RANBP2: variants seen among roughly 807,000 people sequenced by gnomAD.
RANBP2 encodes the protein RAN binding protein 2.
Under a neutral mutation model 303.6 loss-of-function variants are expected in RANBP2, and 57 were observed. The ratio of observed to expected loss-of-function variants is 0.19; its 90% CI spans 0.15 to 0.23. The LOEUF (loss-of-function observed/expected upper bound fraction) is 0.23. Ranked by LOEUF, RANBP2 falls within the 10% of genes least tolerant of loss-of-function variation. The pLI is 1.00. For synonymous variants in RANBP2, 1,167 were observed against 1,301.5 expected, an observed-to-expected ratio of 0.90 and a Z score of 2.23; for missense variants, 3,138 against 3,780.8, an observed-to-expected ratio of 0.83 and a Z score of 4.46.
At chr2:108,978,548 C>T in the RANBP2 span, among the ~76,000 whole-genome samples, 2 of 152,174 alleles carry the variant, frequency 1.3e-5, no homozygotes, top group Non-Finnish European at 2.9e-5. Context: ...CCCAAGGAGG[C>T]TGAGGTTCAG....
chr2:108,759,551 A>G (rs2149258702), intron 18 of RANBP2, among the ~76,000 whole-genome samples: 1 of 152,242 alleles, frequency 6.6e-6, no homozygotes, highest in South Asian at 2.1e-4. Context: ...AGATGAGCAC[A>G]TTTGTGTGAT....
the RANBP2 span, chr2:109,667,154 A>T: frequency 7.6e-7 from 1 of 1,312,592 alleles, no homozygotes; most frequent in Non-Finnish European, 1.1e-6. Flanking sequence ...GGCATAAGAA[A>T]CATTTTAATT....
At chr2:109,246,611 T>C in the RANBP2 span, among the ~76,000 whole-genome samples, 1 of 152,228 alleles carries the variant, frequency 6.6e-6, no homozygotes, top group Non-Finnish European at 1.5e-5. Flanking sequence ...CCAGCCTTCC[T>C]TTCCACACAC....
At chr2:109,426,892 A>G in the RANBP2 span, among the ~76,000 whole-genome samples, 866 of 152,244 alleles carry the variant, frequency 5.7e-3, 4 homozygotes, top group Admixed American at 9.9e-3. Flanking sequence ...CATCAAGACA[A>G]GACCCTCTAC....
the RANBP2 span, among the ~76,000 whole-genome samples, chr2:109,161,477 T>C: frequency 1.3e-5 from 2 of 152,120 alleles, no homozygotes; most frequent in African/African-American, 4.8e-5. Flanking sequence ...TGGAGCATGG[T>C]TGGGTGACGT....
the RANBP2 span, among the ~76,000 whole-genome samples, chr2:109,676,024 G>A: frequency 1.3e-5 from 2 of 152,226 alleles, no homozygotes; most frequent in Non-Finnish European, 2.9e-5. Flanking sequence ...CTGTCCACAC[G>A]TTCATTCCTT....
chr2:109,028,029 G>C, the RANBP2 span, among the ~76,000 whole-genome samples: 80 of 152,302 alleles, frequency 5.3e-4, no homozygotes, highest in South Asian at 2.1e-3. Context: ...CAGCACACTG[G>C]GGGGCCAAGA....
the RANBP2 span, among the ~76,000 whole-genome samples, chr2:109,360,147 G>T: frequency 6.6e-6 from 1 of 151,760 alleles, no homozygotes; most frequent in Non-Finnish European, 1.5e-5. Context: ...GCCATTGTTT[G>T]TTGTTGCTGT....
the RANBP2 span, among the ~76,000 whole-genome samples, chr2:109,216,253 T>G: frequency 6.6e-6 from 1 of 152,080 alleles, no homozygotes; most frequent in East Asian, 1.9e-4. Flanking sequence ...CTAACTACTT[T>G]CTCTCTGGCC....
chr2:109,489,751 C>T, the RANBP2 span, among the ~76,000 whole-genome samples: 17 of 96,962 alleles, frequency 1.8e-4, no homozygotes, highest in Admixed American at 1.6e-3. Context: ...GGGGGGTGGG[C>T]GGGGGGGACG....
chr2:108,976,344 A>G, the RANBP2 span, among the ~76,000 whole-genome samples: 1 of 152,226 alleles, frequency 6.6e-6, no homozygotes, highest in East Asian at 1.9e-4. Flanking sequence ...TTTGAGAGGA[A>G]GACCACAGAG....
intron 24 of RANBP2, among the ~76,000 whole-genome samples, chr2:108,776,673 T>A (rs538112439): frequency 6.6e-6 from 1 of 152,298 alleles, no homozygotes; most frequent in South Asian, 2.1e-4. Flanking sequence ...TTAGCAGAAT[T>A]AAGAGAAGAC....
chr2:109,253,735 C>T, the RANBP2 span, among the ~76,000 whole-genome samples: 13 of 152,190 alleles, frequency 8.5e-5, no homozygotes, highest in African/African-American at 3.1e-4. Flanking sequence ...GTTATTAAAG[C>T]ACCAGGCCAA....
chr2:109,230,334 C>T, the RANBP2 span, among the ~76,000 whole-genome samples: 1,344 of 152,140 alleles, frequency 8.8e-3, 16 homozygotes, highest in African/African-American at 0.031. Flanking sequence ...CCAGCACTTC[C>T]GAGAGGCCAA....
chr2:108,962,044 C>T, the RANBP2 span, among the ~76,000 whole-genome samples: 2 of 152,196 alleles, frequency 1.3e-5, no homozygotes, highest in Non-Finnish European at 2.9e-5. Flanking sequence ...TGGATAAAAT[C>T]CTGGAGAGAC....
the RANBP2 span, chr2:109,251,518 T>C: frequency 1.3e-6 from 1 of 745,204 alleles, no homozygotes; most frequent in Non-Finnish European, 2.5e-6. Context: ...AATATTGTGG[T>C]CATTTGGTCC....
the RANBP2 span, among the ~76,000 whole-genome samples, chr2:109,279,775 C>T: frequency 2.0e-5 from 3 of 152,216 alleles, no homozygotes; most frequent in Non-Finnish European, 2.9e-5. Context: ...ACGCTGACCT[C>T]GCTGACAGAG....
At chr2:109,463,665 AGAG>A in the RANBP2 span, among the ~76,000 whole-genome samples, 118 of 152,336 alleles carry the variant, frequency 7.7e-4, no homozygotes, top group African/African-American at 2.6e-3. Flanking sequence ...GGCTCACAAA[AGAG>A]GAGATGTTCA....
the RANBP2 span, among the ~76,000 whole-genome samples, chr2:109,206,941 G>C: frequency 6.6e-6 from 1 of 152,226 alleles, no homozygotes; most frequent in African/African-American, 2.4e-5. Context: ...TCTGTGTCAT[G>C]TGTGGCTTGT....
Sources: gnomAD v4.1 joint callset for allele counts (sites outside exome capture counted in the v4.1 genomes callset) on GRCh38, gnomAD v4.1.1 for gene constraint, MANE v1.5 for transcripts, NCBI Gene and HGNC (gene_info 2026-07-23, HGNC 2026-07-21) for gene names.